The following NRG1 variants were observed in gnomAD, a reference collection of about 807,000 sequenced individuals.
NRG1 encodes the protein pro-neuregulin-1, membrane-bound isoform.
A neutral mutation model predicts 63.8 loss-of-function variants in NRG1; 18 were observed. The observed-to-expected ratio is 0.28, with a 90% confidence interval of 0.19 to 0.42. The LOEUF (loss-of-function observed/expected upper bound fraction) is 0.42. Ranked by LOEUF, NRG1 falls within the 10% of genes least tolerant of loss-of-function variation. The pLI is 1.00. For missense variants in NRG1, 762 were observed against 814.7 expected (o/e 0.94, Z 0.79); for synonymous variants, 302 against 301.3 (o/e 1.00, Z -0.02).
chr8:31,921,432 G>A (rs372967248), intron 1 of NRG1, among the ~76,000 whole-genome samples: 1 of 151,328 alleles, frequency 6.6e-6, no homozygotes, highest in African/African-American at 2.4e-5. Context: ...AACCCTCAAG[G>A]GATAGCAGTT....
intron 1 of NRG1, among the ~76,000 whole-genome samples, chr8:31,987,567 G>T (rs1207584940): frequency 4.0e-5 from 6 of 151,822 alleles, no homozygotes; most frequent in African/African-American, 1.5e-4. Context: ...AAAGAAGAGA[G>T]CAATAGACAC....
At chr8:31,785,150 A>G (rs1820053358) in intron 1 of NRG1, among the ~76,000 whole-genome samples, 1 of 152,138 alleles carries the variant, frequency 6.6e-6, no homozygotes, top group Admixed American at 6.6e-5. Context: ...TGTGCTTAGC[A>G]TTTTTAACTT....
intron 1 of NRG1, among the ~76,000 whole-genome samples, chr8:31,682,457 G>C (rs992852649): frequency 6.6e-6 from 1 of 152,066 alleles, no homozygotes; most frequent in African/African-American, 2.4e-5. Context: ...TAAAAATTGA[G>C]GGCTGTGCAT....
chr8:32,502,622 A>T (rs890966761), intron 1 of NRG1, among the ~76,000 whole-genome samples: 1 of 150,784 alleles, frequency 6.6e-6, no homozygotes, highest in Admixed American at 6.6e-5. Context: ...CGTCTTTCTT[A>T]TTTAAATGAC....
intron 1 of NRG1, among the ~76,000 whole-genome samples, chr8:32,350,551 G>A (rs1374967084): frequency 6.6e-6 from 1 of 152,108 alleles, no homozygotes; most frequent in African/African-American, 2.4e-5. Context: ...AAGTTTATTA[G>A]AATAACATCT....
intron 1 of NRG1, among the ~76,000 whole-genome samples, chr8:32,541,495 T>C (rs1265871000): frequency 7.8e-6 from 1 of 127,606 alleles, no homozygotes; most frequent in Non-Finnish European, 1.7e-5. Flanking sequence ...GTGTCTCTTA[T>C]GGAACATACA....
At chr8:32,044,931 A>AAAAAAAAAAAAAAAAAAG (rs1491195459) in intron 1 of NRG1, among the ~76,000 whole-genome samples, 2 of 131,566 alleles carry the variant, frequency 1.5e-5, no homozygotes, top group African/African-American at 6.0e-5. Flanking sequence ...AAAAAAAAAA[A>AAAAAAAAAAAAAAAAAAG]CACACACACA....
intron 1 of NRG1, among the ~76,000 whole-genome samples, chr8:31,687,746 C>T (rs532286117): frequency 6.6e-6 from 1 of 152,218 alleles, no homozygotes; most frequent in African/African-American, 2.4e-5. Context: ...TTTCTTTGGC[C>T]AACAACATGG....
intron 1 of NRG1, among the ~76,000 whole-genome samples, chr8:32,350,345 G>C (rs527740699): frequency 2.0e-5 from 3 of 152,210 alleles, no homozygotes; most frequent in Admixed American, 2.0e-4. Context: ...TCAGGAGTTG[G>C]CCACAAATGC....
At chr8:32,469,047 G>A (rs574792069) in intron 1 of NRG1, among the ~76,000 whole-genome samples, 6 of 152,270 alleles carry the variant, frequency 3.9e-5, no homozygotes, top group Admixed American at 2.6e-4. Context: ...TGACAAAACT[G>A]TACATAGACC....
chr8:32,206,181 G>A (rs1248601068), intron 1 of NRG1, among the ~76,000 whole-genome samples: 7 of 152,122 alleles, frequency 4.6e-5, no homozygotes, highest in Non-Finnish European at 1.0e-4. Context: ...TGATGGAAAA[G>A]CACCTTGTGA....
At chr8:32,647,931 A>T in intron 5 of NRG1, 1 of 1,614,158 alleles carries the variant, frequency 6.2e-7, no homozygotes, top group Non-Finnish European at 8.5e-7. Context: ...AGGTTGCCTC[A>T]ACTCAGAGAA....
rs574763848 is a variant in NRG1, at chr8:32,457,873, C to T, written c.38-137955C>T. Reference sequence around the variant, plus strand: ...GTGATAGAAGCAAATTATTCAGATGCCTCTTCTCCACAGAAGGTTTTGGTC... The same window carrying T: ...GTGATAGAAGCAAATTATTCAGATGTCTCTTCTCCACAGAAGGTTTTGGTC... On this transcript the variant is annotated intron_variant, in intron 1 of 10. Transcript: ENST00000519301. Among the ~76,000 whole-genome samples the T allele has an allele frequency of 2.6e-5, 4 of 152,042 alleles. No homozygotes were observed. In the South Asian group the frequency reaches 8.3e-4, roughly 32 times the overall value.
chr8:32,577,764 A>G (rs1839925922), intron 1 of NRG1, among the ~76,000 whole-genome samples: 2 of 151,962 alleles, frequency 1.3e-5, no homozygotes, highest in South Asian at 2.1e-4. Flanking sequence ...AGAAATCAGT[A>G]TTAACTTCTT....
intron 5 of NRG1, among the ~76,000 whole-genome samples, chr8:32,724,679 G>T (rs1821611895): frequency 6.6e-6 from 1 of 152,142 alleles, no homozygotes; most frequent in African/African-American, 2.4e-5. Context: ...CTTGGCTGCT[G>T]GTTTGGAGCA....
At chr8:32,517,197 G>T (rs950956967) in intron 1 of NRG1, among the ~76,000 whole-genome samples, 1 of 151,988 alleles carries the variant, frequency 6.6e-6, no homozygotes, top group African/African-American at 2.4e-5. Flanking sequence ...CAACCACATT[G>T]TCCTCTTTTC....
chr8:32,518,590 T>A (rs1830053672), intron 1 of NRG1, among the ~76,000 whole-genome samples: 1 of 152,140 alleles, frequency 6.6e-6, no homozygotes, highest in Non-Finnish European at 1.5e-5. Flanking sequence ...CCTCCTGAGC[T>A]GCACAAGGAA....
chr8:31,825,817 A>G (rs367558517), intron 1 of NRG1, among the ~76,000 whole-genome samples: 4 of 152,220 alleles, frequency 2.6e-5, no homozygotes, highest in East Asian at 1.9e-4. Flanking sequence ...ACTCTTAGGC[A>G]TTCAACAAAT....
At chr8:31,912,854 T>C (rs1045156856) in intron 1 of NRG1, among the ~76,000 whole-genome samples, 4 of 152,108 alleles carry the variant, frequency 2.6e-5, no homozygotes, top group African/African-American at 9.7e-5. Context: ...GTTTTAAGCC[T>C]CACATGTAGT....
Sources: gnomAD v4.1 joint callset for allele counts (sites outside exome capture counted in the v4.1 genomes callset) on GRCh38, gnomAD v4.1.1 for gene constraint, MANE v1.5 for transcripts, NCBI Gene and HGNC (gene_info 2026-07-23, HGNC 2026-07-21) for gene names.